The following MTMR3 variants were observed in gnomAD, a reference collection of about 807,000 sequenced individuals.
MTMR3 encodes phosphatidylinositol-3,5-bisphosphate 3-phosphatase MTMR3.
Under a neutral mutation model 132.4 loss-of-function variants are expected in MTMR3, and 32 were observed. That is an observed-to-expected ratio of 0.24 (90% CI 0.18 to 0.32). The LOEUF is 0.32. Ranked by LOEUF, MTMR3 falls within the 10% of genes least tolerant of loss-of-function variation. The probability of loss-of-function intolerance (pLI) is 1.00; values close to 1 mark genes in which losing one functional copy is unlikely to be tolerated. For missense variants in MTMR3, 1,216 were observed against 1,489.6 expected, an observed-to-expected ratio of 0.82 and a Z score of 3.02; for synonymous variants, 556 against 550.3, an observed-to-expected ratio of 1.01 and a Z score of -0.14.
At chr22:30,023,174 A>G (rs1281425032) in intron 19 of MTMR3, 1 of 487,044 alleles carries the variant, frequency 2.1e-6, no homozygotes, top group Non-Finnish European at 3.7e-6. Context: ...CCAATCATTA[A>G]GGTTCCTGAC....
intron 1 of MTMR3, among the ~76,000 whole-genome samples, chr22:29,919,620 T>C (rs1187065223): frequency 6.6e-6 from 1 of 152,038 alleles, no homozygotes; most frequent in Admixed American, 6.6e-5. Flanking sequence ...CCTCCTGGGC[T>C]CAAGCGATCT....
intron 19 of MTMR3, chr22:30,024,986 C>T (rs2067875077): frequency 6.5e-6 from 1 of 152,672 alleles, no homozygotes; most frequent in African/African-American, 2.4e-5. Flanking sequence ...TGACACCTAT[C>T]TAATAAGGGG....
Position 30,022,031 on chromosome 22 carries a change from T to C in MTMR3, c.3228T>C (p.Thr1076=). 1 of 1,613,642 alleles carries C rather than the reference T, an allele frequency of 6.2e-7. No homozygotes were observed. Among genetic ancestry groups the C allele is most frequent in the Non-Finnish European group, 8.5e-7 (1 of 1,179,544 alleles). ...HFNGDFGDEV[T]SIPDSESNLD... is the part of the protein sequence containing the mutation. ...CAGCTGTGTTTGTTTGCCAACAGAC[T>C]TCAATCCCCGACTCGGAAAGCAATC... The change falls in exon 18 of 20, where the codon ACT becomes ACC. Residue 1076 remains threonine (T), a splice_region_variant and synonymous_variant. Coordinates refer to ENST00000401950, the MANE Select transcript of MTMR3 (RefSeq NM_021090.4).
At chr22:29,923,966 G>A (rs2065468598) in intron 1 of MTMR3, among the ~76,000 whole-genome samples, 1 of 152,180 alleles carries the variant, frequency 6.6e-6, no homozygotes, top group Admixed American at 6.5e-5. Flanking sequence ...GTAATTTGCA[G>A]GTATTTTCTC....
chr22:29,991,445 C>G (rs2066959286), intron 6 of MTMR3, 59 bp from the exon 7 acceptor site: 1 of 1,497,086 alleles, frequency 6.7e-7, no homozygotes, highest in Non-Finnish European at 8.9e-7. Flanking sequence ...AATGGCTTTT[C>G]TTACATTTCA....
chr22:29,976,753 TCA>T (rs2066637225), intron 3 of MTMR3, among the ~76,000 whole-genome samples: 1 of 152,210 alleles, frequency 6.6e-6, no homozygotes, highest in African/African-American at 2.4e-5. Context: ...TGTAAGCATC[TCA>T]GAGTCTGTGG....
chr22:29,928,335 A>G (rs545400015), intron 1 of MTMR3, among the ~76,000 whole-genome samples: 1 of 151,494 alleles, frequency 6.6e-6, no homozygotes, highest in Admixed American at 6.6e-5. Flanking sequence ...CCACGTCCAG[A>G]TAATGTTTGT....
At chr22:30,008,059 A>G (rs1459001423) in intron 11 of MTMR3, 27 bp downstream of exon 11, 1 of 1,608,232 alleles carries the variant, frequency 6.2e-7, no homozygotes, top group Non-Finnish European at 8.5e-7. Flanking sequence ...TTTGTTCCCC[A>G]TACTTTCTCC....
intron 1 of MTMR3, among the ~76,000 whole-genome samples, chr22:29,893,403 G>A (rs2064834959): frequency 6.6e-6 from 1 of 152,128 alleles, no homozygotes; most frequent in South Asian, 2.1e-4. Flanking sequence ...TTAGTAGGCT[G>A]CTATTTATAA....
intron 1 of MTMR3, among the ~76,000 whole-genome samples, chr22:29,902,725 C>A (rs893544231): frequency 7.2e-5 from 11 of 152,182 alleles, no homozygotes; most frequent in African/African-American, 2.6e-4. Context: ...TACAGAATTC[C>A]TTTTTCTTCT....
intron 2 of MTMR3, among the ~76,000 whole-genome samples, chr22:29,968,945 A>G (rs1220944173): frequency 6.6e-6 from 1 of 152,138 alleles, no homozygotes; most frequent in African/African-American, 2.4e-5. Flanking sequence ...CCAGCCTCTA[A>G]AAAATGGTGC....
chr22:29,997,640 G>A (rs892250164), intron 7 of MTMR3: 1 of 152,170 alleles, frequency 6.6e-6, no homozygotes, highest in African/African-American at 2.4e-5. Flanking sequence ...ACCAGCTTGG[G>A]TGGCTGTTCT....
At chr22:29,903,068 C>G (rs946183195) in intron 1 of MTMR3, among the ~76,000 whole-genome samples, 1 of 152,042 alleles carries the variant, frequency 6.6e-6, no homozygotes, top group South Asian at 2.1e-4. Context: ...CTACTAAAAA[C>G]ACAAAAATTA....
chr22:30,017,696 A>G (rs2067629936), intron 15 of MTMR3: 1 of 477,504 alleles, frequency 2.1e-6, no homozygotes, highest in Admixed American at 4.4e-5. Flanking sequence ...AATATTTTAT[A>G]TTTTCATGCT....
At chr22:29,974,097 A>G (rs1468065793) in intron 3 of MTMR3, among the ~76,000 whole-genome samples, 1 of 152,190 alleles carries the variant, frequency 6.6e-6, no homozygotes. Context: ...AGATGCCACA[A>G]TGCCTGGTGT....
chr22:29,991,339 T>G (rs2066957108), intron 6 of MTMR3, 165 bp from the exon 7 acceptor site: 1 of 551,074 alleles, frequency 1.8e-6, no homozygotes, highest in Admixed American at 4.1e-5. Flanking sequence ...ACATTTGTTT[T>G]TCTTATAAGT....
intron 3 of MTMR3, among the ~76,000 whole-genome samples, chr22:29,976,560 A>G (rs1259842070): frequency 1.3e-5 from 2 of 152,236 alleles, no homozygotes; most frequent in Non-Finnish European, 2.9e-5. Flanking sequence ...AATAGAATTT[A>G]TAATATTTCC....
At chr22:29,926,576 T>C (rs1280094605) in intron 1 of MTMR3, among the ~76,000 whole-genome samples, 1 of 152,226 alleles carries the variant, frequency 6.6e-6, no homozygotes, top group Non-Finnish European at 1.5e-5. Context: ...TTGATTTTAG[T>C]CATGCTAGTG....
chr22:29,988,732 C>T, intron 6 of MTMR3, 170 bp downstream of exon 6: 3 of 384,632 alleles, frequency 7.8e-6, no homozygotes, highest in Admixed American at 4.5e-5. Flanking sequence ...GTATACTTTG[C>T]TATGTTGAAA....
Sources: gnomAD v4.1 joint callset for allele counts (sites outside exome capture counted in the v4.1 genomes callset) on GRCh38, gnomAD v4.1.1 for gene constraint, MANE v1.5 for transcripts, NCBI Gene and HGNC (gene_info 2026-07-23, HGNC 2026-07-21) for gene names.